The following FOXRED2 variants were observed in gnomAD, a reference collection of about 807,000 sequenced individuals.
The protein encoded by FOXRED2 is FAD-dependent oxidoreductase domain-containing protein 2.
FOXRED2 carries 32 observed loss-of-function variants against 52.5 expected under a neutral mutation model. The observed-to-expected ratio is 0.61, with a 90% confidence interval of 0.46 to 0.82. FOXRED2 has a LOEUF of 0.82. Ranked by LOEUF, FOXRED2 falls within the 40% of genes least tolerant of loss-of-function variation. The pLI, the probability that FOXRED2 is intolerant of heterozygous loss-of-function variation, is 0.00. For missense variants in FOXRED2, 848 were observed against 937.5 expected (o/e 0.90, Z 1.25); for synonymous variants, 405 against 398.1 (o/e 1.02, Z -0.21).
rs762428184 is a variant in FOXRED2, at chr22:36,505,849, T to G, written c.527+47A>C. ...GGCCAATCAAGGTGTGTGGTTCGTG[T>G]GGGGAAGGTCCCAGCTTCCGCAGGT... is the stretch of plus-strand genomic sequence containing the variant. On this transcript the variant is annotated intron_variant, in intron 2 of 8. Coordinates refer to ENST00000397224, the MANE Select transcript of FOXRED2 (RefSeq NM_001102371.2). The G allele has an allele frequency of 2.0e-5, 32 of 1,586,374 alleles. No homozygotes were observed. The African/African-American group carries it at 3.5e-4, about 17-fold the overall frequency.
Position 36,506,067 on chromosome 22 carries a change from A to T in FOXRED2, c.356T>A (p.Phe119Tyr). The change falls in exon 2 of 9, where the codon TTC (phenylalanine) becomes TAC (tyrosine). Residue 119 changes from phenylalanine (F) to tyrosine (Y), a missense_variant. Physicochemically the swap from Phe to Tyr is conservative, Grantham distance 22 (BLOSUM62 3). Coordinates refer to ENST00000397224, the MANE Select transcript of FOXRED2 (RefSeq NM_001102371.2). ...LLFRHYSRAYFPDARDMVRYL... is the reference protein window; with the variant it reads ...LLFRHYSRAYYPDARDMVRYL... Reference sequence around the variant, plus strand: ...GCGCACCATGTCGCGGGCGTCGGGGAAGTAGGCACGCGAGTAGTGTCTGAA... The same window carrying T: ...GCGCACCATGTCGCGGGCGTCGGGGTAGTAGGCACGCGAGTAGTGTCTGAA... The T allele has an allele frequency of 6.2e-7, 1 of 1,614,174 alleles. No homozygotes were observed.
chr22:36,499,353 T>C (rs1428895971), intron 5 of FOXRED2, among the ~76,000 whole-genome samples: 1 of 152,192 alleles, frequency 6.6e-6, no homozygotes, highest in Non-Finnish European at 1.5e-5. Context: ...TGGTGGCTCA[T>C]GCCTGTAATC....
At position 36,504,339 on chromosome 22, in the gene FOXRED2, A is replaced by G; in HGVS notation, c.808T>C (p.Tyr270His). The change falls in exon 4 of 9, where the codon TAC becomes CAC. Residue 270 changes from tyrosine (Y) to histidine (H), a missense_variant. Physicochemically the swap from Tyr to His is moderately conservative, Grantham distance 83. Transcript: ENST00000397224. ...RAINNGLLDTYQLKSLDGLLE... is the reference protein window; with the variant it reads ...RAINNGLLDTHQLKSLDGLLE... Reference sequence around the variant, plus strand: ...AGCCCGTCCAGGGACTTGAGCTGGTAGGTATCCAGCAGGCCATTGTTGATG... The same window carrying G: ...AGCCCGTCCAGGGACTTGAGCTGGTGGGTATCCAGCAGGCCATTGTTGATG... The G allele has an allele frequency of 6.2e-7, 1 of 1,614,060 alleles. No homozygotes were observed. Among genetic ancestry groups the G allele is most frequent in the Non-Finnish European group, 8.5e-7 (1 of 1,180,004 alleles).
chr22:36,501,764 A>AGGCACTTATTACAGT (rs960056269), intron 4 of FOXRED2, among the ~76,000 whole-genome samples: 1 of 152,004 alleles, frequency 6.6e-6, no homozygotes, highest in Non-Finnish European at 1.5e-5. Context: ...CCCAGCCAGG[A>AGGCACTTATTACAGT]GGCACTTATT....
chr22:36,491,639 A>G (rs1405699100), intron 8 of FOXRED2, among the ~76,000 whole-genome samples: 1 of 152,006 alleles, frequency 6.6e-6, no homozygotes, highest in Non-Finnish European at 1.5e-5. Flanking sequence ...TCCTGACCTC[A>G]AGCTATCTGC....
At chr22:36,498,667 T>G (rs2145849876) in intron 5 of FOXRED2, among the ~76,000 whole-genome samples, 1 of 152,314 alleles carries the variant, frequency 6.6e-6, no homozygotes, top group Non-Finnish European at 1.5e-5. Context: ...GCCCTCTCTT[T>G]CACAGCCTAA....
rs1603496844 is a variant in FOXRED2 at position 36,505,748 on chromosome 22, G to C, written c.527+148C>G. On this transcript the variant is annotated intron_variant, in intron 2 of 8. Transcript: ENST00000397224. ...CTCGTGCCATTGCACTCCAGCCTGGGCGACAGAGTGAGACTCCGTCTTAAA... is the reference window on the plus strand; with the variant it reads ...CTCGTGCCATTGCACTCCAGCCTGGCCGACAGAGTGAGACTCCGTCTTAAA... 32 of 872,308 alleles carry C rather than the reference G, an allele frequency of 3.7e-5. 1 individual carries two copies. In the South Asian group the frequency reaches 4.8e-4, roughly 13 times the overall value. The allele number at this position is 872,308 out of a possible 1,614,324, so 54.0% of individuals were successfully genotyped here.
chr22:36,491,934 G>A (rs1933767432), intron 8 of FOXRED2, among the ~76,000 whole-genome samples: 1 of 152,162 alleles, frequency 6.6e-6, no homozygotes, highest in South Asian at 2.1e-4. Context: ...CAGAGTGTCA[G>A]GAATGGGCTG....
chr22:36,497,878 C>A, intron 6 of FOXRED2, 113 bp downstream of exon 6: 1 of 1,174,534 alleles, frequency 8.5e-7, no homozygotes, highest in Non-Finnish European at 1.2e-6. Flanking sequence ...CCCACAGCAG[C>A]CTTCATCTTA....
At chr22:36,501,726 G>C (rs61016620) in intron 4 of FOXRED2, among the ~76,000 whole-genome samples, 8,380 of 152,178 alleles carry the variant, frequency 0.055, 759 homozygotes, top group African/African-American at 0.19. Context: ...CTCCCAAAGT[G>C]CTGGGATTAC....
intron 4 of FOXRED2, 66 bp from the exon 5 acceptor site, chr22:36,501,473 G>GT: frequency 6.6e-7 from 1 of 1,522,592 alleles, no homozygotes; most frequent in Non-Finnish European, 9.1e-7. Context: ...TATTTAGTTA[G>GT]TTTTGAGATG....
chr22:36,488,401 G>C lies in FOXRED2; in HGVS notation c.*1607C>G, dbSNP rs928868210. The C allele has an allele frequency of 5.3e-5, 8 of 150,950 alleles. No homozygotes were observed. Among genetic ancestry groups the C allele is most frequent in the African/African-American group, 2.0e-4 (8 of 40,650 alleles). The allele number at this position is 150,950 out of a possible 1,614,324, so 9.4% of individuals were successfully genotyped here. A position where few individuals can be genotyped will look rare whatever the true frequency, so the allele number is the denominator to read the frequency against. ...AGCTTCCCAAGTAGCTGGGATGACA[G>C]GCATGCTCCACCATGCCCAGCTAAT... On this transcript the variant is annotated 3_prime_UTR_variant, in exon 9 of 9. Transcript: ENST00000397224.
chr22:36,493,607 T>G, intron 8 of FOXRED2, 26 bp downstream of exon 8: 1 of 1,606,952 alleles, frequency 6.2e-7, no homozygotes, highest in Non-Finnish European at 8.5e-7. Context: ...GCTCAGACCC[T>G]TTGTCTTTCT....
rs752540004 is a variant in FOXRED2, at chr22:36,506,252, T to G, written c.171A>C (p.Ala57=). 5 of 1,611,744 alleles carry G rather than the reference T, an allele frequency of 3.1e-6. No homozygotes were observed. The Admixed American group carries it at 6.7e-5, about 22-fold the overall frequency. ...YFLQRAGRDY[A]VFERAPRPGS... ...CGGGCCGCGGGGCCCGCTCGAACAC[T>G]GCGTAGTCGCGTCCAGCGCGCTGCA... is the stretch of plus-strand genomic sequence containing the variant. The change falls in exon 2 of 9, where the codon GCA becomes GCC. Residue 57 remains alanine (A), a synonymous_variant. Coordinates refer to ENST00000397224, the MANE Select transcript of FOXRED2 (RefSeq NM_001102371.2).
chr22:36,506,425 T>C lies in FOXRED2; in HGVS notation c.-1-2A>G. The C allele has an allele frequency of 7.0e-7, 1 of 1,433,408 alleles. No individual in the cohort carries two copies. The highest frequency in any genetic ancestry group is 9.1e-7 in the Non-Finnish European group (1 of 1,098,438). 88.8% of individuals were successfully genotyped at this position (1,433,408 alleles called of 1,614,324 possible). A position where few individuals can be genotyped will look rare whatever the true frequency, so the allele number is the denominator to read the frequency against. Reference sequence around the variant, plus strand: ...GGGGCCGCAGCGGAGAGGCCCATCCTGCAGCAGATCAGAGGGGTAAGGCCT... The same window carrying C: ...GGGGCCGCAGCGGAGAGGCCCATCCCGCAGCAGATCAGAGGGGTAAGGCCT... On this transcript the variant is annotated splice_acceptor_variant, in intron 1 of 8. Coordinates refer to ENST00000397224, the MANE Select transcript of FOXRED2 (RefSeq NM_001102371.2). LOFTEE classifies it low-confidence loss of function (5UTR_SPLICE).
chr22:36,506,035 C>A lies in FOXRED2; in HGVS notation c.388G>T (p.Gly130Cys). The A allele has an allele frequency of 6.2e-7, 1 of 1,614,232 alleles. No individual in the cohort carries two copies. The highest frequency in any genetic ancestry group is 1.3e-5 in the African/African-American group (1 of 75,056). The change falls in exon 2 of 9, where the codon GGT becomes TGT. Residue 130 changes from glycine to cysteine, a missense_variant. Transcript: ENST00000397224. ...PDARDMVRYLGDFADTLGLRV... is the reference protein window; with the variant it reads ...PDARDMVRYLCDFADTLGLRV... ...AGCCCCAGCGTGTCCGCGAAGTCAC[C>A]CAGGTAGCGCACCATGTCGCGGGCG...
chr22:36,489,685 A>C lies in FOXRED2; in HGVS notation c.*323T>G. ...CCATCTGAGGAGGGGCTTGGAAGGAAGAGGAGCACTTGAGACGGGGCAGAA... is the reference window on the plus strand; with the variant it reads ...CCATCTGAGGAGGGGCTTGGAAGGACGAGGAGCACTTGAGACGGGGCAGAA... On this transcript the variant is annotated 3_prime_UTR_variant, in exon 9 of 9. Transcript: ENST00000397224. The C allele has an allele frequency of 7.9e-6, 2 of 253,186 alleles. No homozygotes were observed. Among genetic ancestry groups the C allele is most frequent in the Non-Finnish European group, 7.5e-6 (1 of 132,486 alleles). The allele number at this position is 253,186 out of a possible 1,614,324, so 15.7% of individuals were successfully genotyped here.
chr22:36,500,708 C>T (rs918673105), intron 5 of FOXRED2, among the ~76,000 whole-genome samples: 3 of 151,816 alleles, frequency 2.0e-5, no homozygotes, highest in East Asian at 3.9e-4. Context: ...CTCAGCCTCC[C>T]GAGTAGCTGG....
intron 4 of FOXRED2, among the ~76,000 whole-genome samples, chr22:36,502,554 C>T (rs1934083429): frequency 6.6e-6 from 1 of 152,172 alleles, no homozygotes; most frequent in Admixed American, 6.5e-5. Flanking sequence ...GATCATAGCA[C>T]ACTGTAGCCT....
Sources: allele counts gnomAD v4.1 joint callset (sites outside exome capture counted in the v4.1 genomes callset), GRCh38; gene constraint gnomAD v4.1.1; transcripts MANE v1.5; gene names NCBI Gene and HGNC (gene_info 2026-07-23, HGNC 2026-07-21).